Variants in TMCO5A observed in about 807,000 individuals in gnomAD.
TMCO5A encodes transmembrane and coiled-coil domains 5A.
In TMCO5A, 34 loss-of-function variants were observed where a neutral mutation model predicts 42.3. The ratio of observed to expected loss-of-function variants is 0.80; its 90% confidence interval spans 0.61 to 1.07. The LOEUF is 1.07. Ranked by LOEUF, TMCO5A falls within the 50% of genes least tolerant of loss-of-function variation. The probability of loss-of-function intolerance (pLI) is 0.00; values close to 1 mark genes in which losing one functional copy is unlikely to be tolerated. For synonymous variants in TMCO5A, 131 were observed against 115.6 expected (o/e 1.13, Z -0.86); for missense variants, 357 against 327.9 (o/e 1.09, Z -0.69).
chr15:37,974,797 G>T, the TMCO5A span, among the ~76,000 whole-genome samples: 1 of 151,924 alleles, frequency 6.6e-6, no homozygotes, highest in Non-Finnish European at 1.5e-5. Context: ...CTCTGGGGTT[G>T]GTTTGCTCTT....
downstream of TMCO5A, chr15:37,951,450 T>C: frequency 2.1e-6 from 1 of 482,364 alleles, no homozygotes. Context: ...ATCGGCTGAA[T>C]AGTACTTGAT....
In TMCO5A at chr15:37,947,711, T is replaced by G; in HGVS notation, c.668+15T>G. 6.4e-7 allele frequency: 1 copy of G among 1,569,484 alleles called. No homozygotes were observed. The highest frequency in any genetic ancestry group is 8.7e-7 in the Non-Finnish European group (1 of 1,144,524). On this transcript the variant is annotated intron_variant, in intron 11 of 11. Coordinates refer to ENST00000319669, the MANE Select transcript of TMCO5A (RefSeq NM_152453.4). ...TTCAGTAAAAAGTAAGTAAAATATC[T>G]TCAGGTAAACTTCCTATAAAATTGG...
the TMCO5A span, among the ~76,000 whole-genome samples, chr15:37,976,417 G>T: frequency 6.6e-6 from 1 of 151,992 alleles, no homozygotes; most frequent in African/African-American, 2.4e-5. Context: ...ATGTCACAGG[G>T]GTTCTCTGTA....
the TMCO5A span, among the ~76,000 whole-genome samples, chr15:38,038,540 G>T: frequency 6.6e-6 from 1 of 151,878 alleles, no homozygotes; most frequent in Non-Finnish European, 1.5e-5. Flanking sequence ...CGAGTAGCTG[G>T]GACTACAGGC....
intron 9 of TMCO5A, chr15:37,942,492 T>A: frequency 2.4e-6 from 1 of 421,260 alleles, no homozygotes. Flanking sequence ...CGTAATGTTA[T>A]CACATTATCA....
intron 6 of TMCO5A, among the ~76,000 whole-genome samples, chr15:37,939,707 T>C (rs1376548579): frequency 6.7e-6 from 1 of 148,628 alleles, no homozygotes. Context: ...GTGATATCTC[T>C]AATTCTGTGA....
the TMCO5A span, among the ~76,000 whole-genome samples, chr15:37,976,132 C>T: frequency 6.6e-6 from 1 of 151,840 alleles, no homozygotes; most frequent in African/African-American, 2.4e-5. Flanking sequence ...GTAATCCCAG[C>T]TACTCGGGAG....
At chr15:38,019,451 C>CT in the TMCO5A span, among the ~76,000 whole-genome samples, 19 of 151,892 alleles carry the variant, frequency 1.3e-4, no homozygotes, top group Non-Finnish European at 1.8e-4. Context: ...TTCAATTTTC[C>CT]TTTTTTTTGT....
the TMCO5A span, among the ~76,000 whole-genome samples, chr15:38,022,395 A>C: frequency 6.6e-6 from 1 of 152,306 alleles, no homozygotes; most frequent in Admixed American, 6.5e-5. Flanking sequence ...AGCCAATTTG[A>C]AAAGGCTATA....
the TMCO5A span, among the ~76,000 whole-genome samples, chr15:38,028,957 C>G: frequency 6.6e-6 from 1 of 152,160 alleles, no homozygotes; most frequent in South Asian, 2.1e-4. Context: ...AAAAAATCAT[C>G]TAAAATGAAG....
the TMCO5A span, among the ~76,000 whole-genome samples, chr15:37,974,170 T>C: frequency 2.0e-5 from 3 of 152,180 alleles, no homozygotes; most frequent in African/African-American, 7.2e-5. Context: ...TGCTGATATT[T>C]TGTTGAGGAA....
intron 11 of TMCO5A, among the ~76,000 whole-genome samples, chr15:37,958,672 G>T (rs1890350430): frequency 6.6e-6 from 1 of 152,160 alleles, no homozygotes; most frequent in Non-Finnish European, 1.5e-5. Context: ...CTGTTGGTGG[G>T]AGTGTAAATT....
At chr15:37,961,970 C>G (rs766309474) in intron 11 of TMCO5A, among the ~76,000 whole-genome samples, 11 of 152,160 alleles carry the variant, frequency 7.2e-5, no homozygotes, top group Non-Finnish European at 1.3e-4. Context: ...GGTAAACAAT[C>G]ATATCATCAG....
At chr15:37,949,174 G>T (rs1476815520) in intron 11 of TMCO5A, among the ~76,000 whole-genome samples, 1 of 151,476 alleles carries the variant, frequency 6.6e-6, no homozygotes, top group East Asian at 1.9e-4. Context: ...ACCATAAGAA[G>T]GTTTATAAAA....
At chr15:38,033,960 A>G in the TMCO5A span, among the ~76,000 whole-genome samples, 4 of 152,200 alleles carry the variant, frequency 2.6e-5, no homozygotes, top group Non-Finnish European at 4.4e-5. Flanking sequence ...CAAAATACCC[A>G]AGACAAAGTA....
At chr15:38,006,646 AC>A in the TMCO5A span, among the ~76,000 whole-genome samples, 1 of 152,198 alleles carries the variant, frequency 6.6e-6, no homozygotes, top group African/African-American at 2.4e-5. Flanking sequence ...TCCAAAATCC[AC>A]TGAAGCTTGC....
intron 11 of TMCO5A, among the ~76,000 whole-genome samples, chr15:37,949,927 G>T (rs1387970677): frequency 6.6e-6 from 1 of 152,142 alleles, no homozygotes; most frequent in Non-Finnish European, 1.5e-5. Context: ...GCTGGAGCTA[G>T]AAGTTATATT....
downstream of TMCO5A, among the ~76,000 whole-genome samples, chr15:37,955,000 T>G (rs1890250445): frequency 6.6e-6 from 1 of 151,558 alleles, no homozygotes. Flanking sequence ...CAGAATCACC[T>G]TTACTAGAAG....
the TMCO5A span, among the ~76,000 whole-genome samples, chr15:38,034,628 C>G: frequency 3.9e-5 from 6 of 152,208 alleles, no homozygotes; most frequent in East Asian, 1.2e-3. Flanking sequence ...CATTCCAACT[C>G]ATCTTCCCAG....
Sources: gnomAD v4.1 joint callset for allele counts (sites outside exome capture counted in the v4.1 genomes callset) on GRCh38, gnomAD v4.1.1 for gene constraint, MANE v1.5 for transcripts, NCBI Gene and HGNC (gene_info 2026-07-23, HGNC 2026-07-21) for gene names.